FARP2: variants seen among roughly 807,000 people sequenced by gnomAD.
FARP2 encodes the protein FERM, ARHGEF and pleckstrin domain-containing protein 2.
Under a neutral mutation model 130.5 loss-of-function variants are expected in FARP2, and 111 were observed. The ratio of observed to expected loss-of-function variants is 0.85; its 90% CI spans 0.73 to 1.00. FARP2 has a LOEUF of 1.00. Among genes scored for constraint, FARP2 ranks in the 50% least tolerant of loss-of-function variants. The pLI is 0.00. For synonymous variants in FARP2, 504 were observed against 516.9 expected, an observed-to-expected ratio of 0.98 and a Z score of 0.34; for missense variants, 1,385 against 1,346.3, an observed-to-expected ratio of 1.03 and a Z score of -0.45.
In FARP2 at chr2:241,466,565, G is replaced by A. The variant is rs181718977; in HGVS notation, c.1894-1575G>A. On this transcript the variant is annotated intron_variant, in intron 17 of 26. Transcript: ENST00000264042. The stretch of plus-strand genomic sequence containing the variant: ...CAGGGCTTGGCCACTTCCACCTCCC[G>A]CTAGAAGCCTAGCGAGTGTGGATGC... 33 of 985,238 alleles carry A rather than the reference G, an allele frequency of 3.3e-5. No homozygotes were observed. In the East Asian group the frequency reaches 8.0e-4, roughly 24 times the overall value. 61.0% of individuals were successfully genotyped at this position (985,238 alleles called of 1,614,324 possible).
At chr2:241,434,063 T>G in intron 9 of FARP2, 95 bp from the exon 10 acceptor site, 1 of 960,748 alleles carries the variant, frequency 1.0e-6, no homozygotes, top group Non-Finnish European at 1.5e-6. Flanking sequence ...TTTTTAATTT[T>G]GGAATTCCCT....
chr2:241,371,995 C>A (rs1171736092), intron 1 of FARP2, among the ~76,000 whole-genome samples: 1 of 152,028 alleles, frequency 6.6e-6, no homozygotes, highest in Non-Finnish European at 1.5e-5. Context: ...ATGTTGCAGA[C>A]TTCAAATATA....
chr2:241,487,782 C>G (rs2064793969), intron 21 of FARP2, among the ~76,000 whole-genome samples: 1 of 87,230 alleles, frequency 1.1e-5, no homozygotes, highest in Admixed American at 1.9e-4. Flanking sequence ...TGGAATCGCT[C>G]TGTCGCCCAG....
rs756545178 is a variant in FARP2, at chr2:241,411,112, A to G, written c.490A>G (p.Thr164Ala). ...TCADTTAALL[T>A]SHLLQSEIGD... ...TGCTGACACCACAGCGGCCCTTCTC[A>G]CGTCCCATCTCCTGCAGTGTGAGTA... Residue 164 changes from threonine to alanine, a missense_variant, in exon 6 of 27, where the codon ACG becomes GCG. By Grantham distance (58) the Thr-to-Ala change is moderately conservative. Transcript: ENST00000264042. The G allele has an allele frequency of 1.1e-5, 17 of 1,606,570 alleles. No individual in the cohort carries two copies. Among genetic ancestry groups the G allele is most frequent in the Non-Finnish European group, 1.4e-5 (17 of 1,174,276 alleles).
chr2:241,493,145 C>A, intron 25 of FARP2, 109 bp downstream of exon 25: 2 of 1,148,236 alleles, frequency 1.7e-6, no homozygotes, highest in South Asian at 1.3e-5. Flanking sequence ...CATGCTTTGC[C>A]CACACACCCT....
rs756830374 is a variant in FARP2, at chr2:241,441,322, G to A, written c.1177G>A (p.Gly393Arg). Residue 393 changes from glycine to arginine, a missense_variant, in exon 13 of 27, where the codon GGA becomes AGA. By Grantham distance (125) the Gly-to-Arg change is moderately radical. Coordinates refer to ENST00000264042, the MANE Select transcript of FARP2 (RefSeq NM_014808.4). ...TTCCCAGAGCATCTCATTCCCCGAG[G>A]GATTGAGGACTCCTGCCTCCCCATC... ...LPKQSISFPE[G>R]LRTPASPSSA... is the part of the protein sequence containing the mutation. 1 of 1,603,086 alleles carries A rather than the reference G, an allele frequency of 6.2e-7. No homozygotes were observed. Among genetic ancestry groups the A allele is most frequent in the South Asian group, 1.1e-5 (1 of 90,494 alleles).
rs138944985 is a variant in FARP2, at chr2:241,490,013, G to A, written c.2473G>A (p.Ala825Thr). The change falls in exon 22 of 27, where the codon GCG (alanine) becomes ACG (threonine). Residue 825 changes from alanine (A) to threonine (T), a missense_variant. By Grantham distance (58) the Ala-to-Thr change is moderately conservative. Coordinates refer to ENST00000264042, the MANE Select transcript of FARP2 (RefSeq NM_014808.4). ...TGTTCCACACTGTTTCACCATCTAC[G>A]CGGCTCAGAAAACAATCGTGGTGGC... The part of the protein sequence containing the change: ...WSVPHCFTIY[A>T]AQKTIVVAAS... 2.3e-4 allele frequency: 366 copies of A among 1,614,002 alleles called. 1 individual carries two copies. The African/African-American group carries it at 4.4e-3, about 19-fold the overall frequency.
At chr2:241,409,748 C>T (rs1188720523) in intron 5 of FARP2, among the ~76,000 whole-genome samples, 1 of 152,066 alleles carries the variant, frequency 6.6e-6, no homozygotes, top group Non-Finnish European at 1.5e-5. Context: ...TGATTTTTCC[C>T]CCCACTTATT....
chr2:241,478,508 C>T lies in FARP2; in HGVS notation c.2262+2521C>T, dbSNP rs560658396. The T allele has an allele frequency of 5.2e-4, 185 of 356,708 alleles. 1 individual carries two copies. Among genetic ancestry groups the T allele is most frequent in the Middle Eastern group, 1.0e-3 (1 of 980 alleles). The allele number at this position is 356,708 out of a possible 1,614,324, so 22.1% of individuals were successfully genotyped here. ...GCTGTGCCAGGACCTGAAATACTTC[C>T]TGTACTCCTTGTATCAGGCTAACCC... On this transcript the variant is annotated intron_variant, in intron 19 of 26. Coordinates refer to ENST00000264042, the MANE Select transcript of FARP2 (RefSeq NM_014808.4).
Position 241,494,346 on chromosome 2 carries a change from A to T in FARP2, c.*221A>T. 5.6e-6 allele frequency: 2 copies of T among 355,704 alleles called. No individual in the cohort carries two copies. Among genetic ancestry groups the T allele is most frequent in the Non-Finnish European group, 1.0e-5 (2 of 193,944 alleles). The allele number at this position is 355,704 out of a possible 1,614,324, so 22.0% of individuals were successfully genotyped here. Reference sequence around the variant, plus strand: ...GCAGCTATCTGGGGCCCTGGGAAAAATGTGCGAGTCTTGAGCGCGGAGCCG... The same window carrying T: ...GCAGCTATCTGGGGCCCTGGGAAAATTGTGCGAGTCTTGAGCGCGGAGCCG... On this transcript the variant is annotated 3_prime_UTR_variant, in exon 27 of 27. Transcript: ENST00000264042. This position sits in a 1 kb window ranked among gnomAD's most constrained non-coding sequence, Gnocchi z 4.9.
intron 21 of FARP2, among the ~76,000 whole-genome samples, chr2:241,487,003 C>T (rs1249982568): frequency 6.8e-6 from 1 of 146,280 alleles, no homozygotes; most frequent in African/African-American, 2.5e-5. Context: ...GCCAGCCTGG[C>T]CCCTGTGTCC....
intron 21 of FARP2, chr2:241,489,686 A>G (rs2064846070): frequency 7.1e-6 from 2 of 280,634 alleles, no homozygotes; most frequent in Non-Finnish European, 1.3e-5. Flanking sequence ...AATGCTCAAC[A>G]TTTTTTCCTT....
Position 241,483,471 on chromosome 2 carries a change from A to C in FARP2, c.2269A>C (p.Ile757Leu). The change falls in exon 20 of 27, where the codon ATC becomes CTC. Residue 757 changes from isoleucine to leucine, a missense_variant. Coordinates refer to ENST00000264042, the MANE Select transcript of FARP2 (RefSeq NM_014808.4). ...ENLIAPGREF[I>L]REGCLHKLTK... The stretch of plus-strand genomic sequence containing the variant: ...CTCTGTCTCTGTCTTTCAGGAGTTC[A>C]TCCGTGAGGGCTGCCTTCACAAGCT... The C allele has an allele frequency of 6.2e-7, 1 of 1,614,108 alleles. No individual in the cohort carries two copies. Among genetic ancestry groups the C allele is most frequent in the Non-Finnish European group, 8.5e-7 (1 of 1,179,922 alleles).
rs931211369 is a variant in FARP2, at chr2:241,482,537, C to T, written c.2263-928C>T. On this transcript the variant is annotated intron_variant, in intron 19 of 26. Transcript: ENST00000264042. The surrounding 1 kb of genome is among the most constrained non-coding windows in gnomAD (Gnocchi z 4.6). Reference sequence around the variant, plus strand: ...GCAGATGTGGAGTGAGAGCCACAAGCTTAGTTACCGGCCCCATCCAGTTAA... The same window carrying T: ...GCAGATGTGGAGTGAGAGCCACAAGTTTAGTTACCGGCCCCATCCAGTTAA... Among the ~76,000 whole-genome samples, 4 of 152,212 alleles carry T rather than the reference C, an allele frequency of 2.6e-5. No individual in the cohort carries two copies. The highest frequency in any genetic ancestry group is 5.9e-5 in the Non-Finnish European group (4 of 68,040).
Position 241,436,484 on chromosome 2 carries a change from G to A in FARP2, c.1104G>A (p.Arg368=), listed in dbSNP as rs779717797. The change falls in exon 12 of 27, where the codon AGG becomes AGA. Residue 368 remains arginine, a synonymous_variant. Transcript: ENST00000264042. ...SGMKRIPYER[R]HSKTHTSVRA... ...CAGCTCGTCCTCTGTTTTGCAGAAGGCACAGCAAGACCCACACGTCCGTTC... is the reference window on the plus strand; with the variant it reads ...CAGCTCGTCCTCTGTTTTGCAGAAGACACAGCAAGACCCACACGTCCGTTC... 34 of 1,614,058 alleles carry A rather than the reference G, an allele frequency of 2.1e-5. No homozygotes were observed. Among genetic ancestry groups the A allele is most frequent in the South Asian group, 1.6e-4 (15 of 91,090 alleles).
chr2:241,404,668 AGG>A (rs879096345), intron 3 of FARP2, 129 bp from the exon 4 acceptor site: 1 of 627,754 alleles, frequency 1.6e-6, no homozygotes, highest in East Asian at 2.8e-5. Context: ...AACCTTTAAG[AGG>A]GGGGGTAGAG....
intron 13 of FARP2, chr2:241,446,059 T>C (rs1272068644): frequency 2.6e-5 from 4 of 152,242 alleles, no homozygotes. Flanking sequence ...CAAACTGTTT[T>C]TGTATTTAAG....
chr2:241,356,417 G>A (rs893151354), intron 1 of FARP2, 29 bp downstream of exon 1: 22 of 152,344 alleles, frequency 1.4e-4, no homozygotes, highest in Admixed American at 1.3e-3. Flanking sequence ...CTGGGCGCGT[G>A]GGGCAGGGGT....
In FARP2 at chr2:241,482,639, G is replaced by A. The variant is rs932309783; in HGVS notation, c.2263-826G>A. 6.6e-6 allele frequency among the ~76,000 whole-genome samples: 1 copy of A among 152,152 alleles called. No individual in the cohort carries two copies. The highest frequency in any genetic ancestry group is 1.5e-5 in the Non-Finnish European group (1 of 68,020). On this transcript the variant is annotated intron_variant, in intron 19 of 26. Coordinates refer to ENST00000264042, the MANE Select transcript of FARP2 (RefSeq NM_014808.4). The surrounding 1 kb of genome is among the most constrained non-coding windows in gnomAD (Gnocchi z 4.6). ...TGTTTGGGCTGGTTTTTCATCCTGC[G>A]TTTCTGTGAGGATTATCTGTGTAGT...
Sources: allele counts gnomAD v4.1 joint callset (sites outside exome capture counted in the v4.1 genomes callset), GRCh38; gene constraint gnomAD v4.1.1; non-coding constraint Gnocchi (gnomAD v3.1); transcripts MANE v1.5; gene names NCBI Gene and HGNC (gene_info 2026-07-23, HGNC 2026-07-21).